CD28: variants seen among roughly 807,000 people sequenced by gnomAD.
CD28 encodes T-cell-specific surface glycoprotein CD28.
CD28 carries 8 observed loss-of-function variants against 21.4 expected under a neutral mutation model. That is an observed-to-expected ratio of 0.37 (90% CI 0.22 to 0.68). CD28 has a LOEUF of 0.68. Ranked by LOEUF, CD28 falls within the 30% of genes least tolerant of loss-of-function variation. The pLI is 0.55. For synonymous variants in CD28, 106 were observed against 104.0 expected, an observed-to-expected ratio of 1.02 and a Z score of -0.12; for missense variants, 239 against 272.2, an observed-to-expected ratio of 0.88 and a Z score of 0.86.
At position 203,738,384 on chromosome 2, in the gene CD28, T is replaced by C. The variant is rs1174174770; in HGVS notation, c.*3472T>C. On this transcript the variant is annotated 3_prime_UTR_variant, in exon 4 of 4. Coordinates refer to ENST00000324106, the MANE Select transcript of CD28 (RefSeq NM_006139.4). ...TGCTGGAGATTAGAGATGGTGCCAATAAAGGACCCAGAACCAGGATCTTGA... is the reference window on the plus strand; with the variant it reads ...TGCTGGAGATTAGAGATGGTGCCAACAAAGGACCCAGAACCAGGATCTTGA... 6.6e-6 allele frequency: 1 copy of C among 152,162 alleles called. No individual in the cohort carries two copies. The highest frequency in any genetic ancestry group is 1.5e-5 in the Non-Finnish European group (1 of 68,030). The allele number at this position is 152,162 out of a possible 1,614,324, so 9.4% of individuals were successfully genotyped here.
rs538755222 is a variant in CD28 at position 203,708,890 on chromosome 2, C to T, written c.52+2142C>T. On this transcript the variant is annotated intron_variant, in intron 1 of 3. Coordinates refer to ENST00000324106, the MANE Select transcript of CD28 (RefSeq NM_006139.4). ...CGCCTGTAATCGTGGGACGCTGAGG[C>T]GGGTGGATCACTTGAGGTCAGGAGT... Among the ~76,000 whole-genome samples the T allele has an allele frequency of 4.6e-5, 7 of 152,084 alleles. No individual in the cohort carries two copies. The East Asian group carries it at 1.2e-3, about 25-fold the overall frequency.
chr2:203,731,428 G>A (rs989879757), intron 3 of CD28, among the ~76,000 whole-genome samples: 4 of 152,194 alleles, frequency 2.6e-5, no homozygotes, highest in Admixed American at 6.5e-5. Context: ...CTCTTATTGG[G>A]AATCTCAACT....
At chr2:203,730,078 GAC>G (rs775261297) in intron 3 of CD28, among the ~76,000 whole-genome samples, 18 of 152,222 alleles carry the variant, frequency 1.2e-4, no homozygotes, top group Admixed American at 5.2e-4. Context: ...ATATAATTAT[GAC>G]ACATAAAACA....
rs1241605470 is a variant in CD28 at position 203,737,333 on chromosome 2, T to C, written c.*2421T>C. ...GCACGTGTGCCACTTGCCAGCTTCTTGGGCACACAGAGTTCTTCAATCCAA... is the reference window on the plus strand; with the variant it reads ...GCACGTGTGCCACTTGCCAGCTTCTCGGGCACACAGAGTTCTTCAATCCAA... On this transcript the variant is annotated 3_prime_UTR_variant, in exon 4 of 4. Coordinates refer to ENST00000324106, the MANE Select transcript of CD28 (RefSeq NM_006139.4). 1 of 152,240 alleles carries C rather than the reference T, an allele frequency of 6.6e-6. No homozygotes were observed. Among genetic ancestry groups the C allele is most frequent in the Non-Finnish European group, 1.5e-5 (1 of 68,046 alleles). The allele number at this position is 152,240 out of a possible 1,614,324, so 9.4% of individuals were successfully genotyped here.
At chr2:203,720,947 T>C (rs1693589424) in intron 1 of CD28, among the ~76,000 whole-genome samples, 1 of 152,230 alleles carries the variant, frequency 6.6e-6, no homozygotes, top group Non-Finnish European at 1.5e-5. Flanking sequence ...ATAGAGATTT[T>C]GAGGTCCTGT....
In CD28 at chr2:203,736,395, C is replaced by A. The variant is rs977062639; in HGVS notation, c.*1483C>A. ...GGCAGAAGGTGCCCTGGTGAGAGCTCCTTTACAGGGACTTTATGTGGTTTA... is the reference window on the plus strand; with the variant it reads ...GGCAGAAGGTGCCCTGGTGAGAGCTACTTTACAGGGACTTTATGTGGTTTA... On this transcript the variant is annotated 3_prime_UTR_variant, in exon 4 of 4. Coordinates refer to ENST00000324106, the MANE Select transcript of CD28 (RefSeq NM_006139.4). 6.6e-6 allele frequency: 1 copy of A among 152,520 alleles called. No individual in the cohort carries two copies. The highest frequency in any genetic ancestry group is 2.4e-5 in the African/African-American group (1 of 41,410). 9.4% of individuals were successfully genotyped at this position (152,520 alleles called of 1,614,324 possible).
At chr2:203,712,480 T>C (rs998978489) in intron 1 of CD28, among the ~76,000 whole-genome samples, 1 of 152,188 alleles carries the variant, frequency 6.6e-6, no homozygotes, top group Non-Finnish European at 1.5e-5. Context: ...AGACCCCAAA[T>C]GGCAAAGAGA....
intron 1 of CD28, among the ~76,000 whole-genome samples, chr2:203,721,959 A>C (rs1190579570): frequency 6.6e-6 from 1 of 151,002 alleles, no homozygotes; most frequent in Non-Finnish European, 1.5e-5. Context: ...CCCTCTCTCC[A>C]CCTCACTGTG....
At chr2:203,727,964 A>C (rs954900768) in intron 2 of CD28, among the ~76,000 whole-genome samples, 5 of 152,054 alleles carry the variant, frequency 3.3e-5, no homozygotes, top group African/African-American at 1.2e-4. Context: ...GGCGTGAGCC[A>C]CCGCGCCCAG....
chr2:203,734,950 C>T lies in CD28; in HGVS notation c.*38C>T. On this transcript the variant is annotated 3_prime_UTR_variant, in exon 4 of 4. Coordinates refer to ENST00000324106, the MANE Select transcript of CD28 (RefSeq NM_006139.4). ...TCCAGAAGCCAGCCGGCTGGCAGCCCCCATCTGCTCAATATCACTGCTCTG... is the reference window on the plus strand; with the variant it reads ...TCCAGAAGCCAGCCGGCTGGCAGCCTCCATCTGCTCAATATCACTGCTCTG... 1 of 1,606,516 alleles carries T rather than the reference C, an allele frequency of 6.2e-7. No individual in the cohort carries two copies.
At chr2:203,723,412 G>A (rs1054730178) in intron 1 of CD28, among the ~76,000 whole-genome samples, 2 of 151,814 alleles carry the variant, frequency 1.3e-5, no homozygotes, top group Non-Finnish European at 2.9e-5. Context: ...GCTTGATTCT[G>A]GGTGGCAGAG....
chr2:203,713,888 A>T (rs113305050), intron 1 of CD28, among the ~76,000 whole-genome samples: 4,582 of 145,288 alleles, frequency 0.032, 253 homozygotes, highest in African/African-American at 0.11. Context: ...AGAGAGAGAG[A>T]GTGTGTGTGT....
intron 1 of CD28, among the ~76,000 whole-genome samples, chr2:203,721,307 A>G (rs1030677426): frequency 6.6e-6 from 1 of 152,216 alleles, no homozygotes; most frequent in Admixed American, 6.5e-5. Context: ...ACTTTTCTGC[A>G]TAAAAGCCTT....
At chr2:203,723,832 C>T (rs879392670) in intron 1 of CD28, among the ~76,000 whole-genome samples, 2 of 152,156 alleles carry the variant, frequency 1.3e-5, no homozygotes, top group Non-Finnish European at 2.9e-5. Context: ...AACAGTTTGA[C>T]GATTCCTCAA....
At chr2:203,718,259 G>C (rs190179477) in intron 1 of CD28, among the ~76,000 whole-genome samples, 3 of 152,176 alleles carry the variant, frequency 2.0e-5, no homozygotes, top group East Asian at 3.9e-4. Context: ...GTTGTCTTGT[G>C]GGGGAGCCTA....
chr2:203,710,582 A>G (rs1693285989), intron 1 of CD28, among the ~76,000 whole-genome samples: 1 of 152,174 alleles, frequency 6.6e-6, no homozygotes, highest in South Asian at 2.1e-4. Context: ...GAGAAATGCC[A>G]TATGATTACC....
intron 1 of CD28, among the ~76,000 whole-genome samples, chr2:203,716,795 G>T (rs1411636118): frequency 6.6e-6 from 1 of 152,094 alleles, no homozygotes; most frequent in Non-Finnish European, 1.5e-5. Context: ...TAAAGGTGGG[G>T]CTTAGATTAG....
intron 1 of CD28, among the ~76,000 whole-genome samples, chr2:203,712,995 C>G (rs1219204764): frequency 6.6e-6 from 1 of 152,120 alleles, no homozygotes; most frequent in Non-Finnish European, 1.5e-5. Context: ...CTTATGGTCA[C>G]AAAGCTACTA....
At chr2:203,717,143 G>A (rs1693481888) in intron 1 of CD28, among the ~76,000 whole-genome samples, 2 of 152,112 alleles carry the variant, frequency 1.3e-5, no homozygotes, top group Admixed American at 1.3e-4. Context: ...CACTGTGCCA[G>A]GCCTTTAGTA....
Sources: gnomAD v4.1 joint callset for allele counts (sites outside exome capture counted in the v4.1 genomes callset) on GRCh38, gnomAD v4.1.1 for gene constraint, MANE v1.5 for transcripts, NCBI Gene and HGNC (gene_info 2026-07-23, HGNC 2026-07-21) for gene names.